Variants in ARHGEF3 observed in about 807,000 individuals in gnomAD.
ARHGEF3 encodes Rho guanine nucleotide exchange factor 3.
ARHGEF3 carries 28 observed loss-of-function variants against 63.2 expected under a neutral mutation model. The observed-to-expected ratio is 0.44, with a 90% confidence interval of 0.33 to 0.61. The LOEUF is 0.61. Among genes scored for constraint, ARHGEF3 ranks in the 20% least tolerant of loss-of-function variants. ARHGEF3 has a pLI of 0.03. For missense variants in ARHGEF3, 533 were observed against 659.3 expected, an observed-to-expected ratio of 0.81 and a Z score of 2.10; for synonymous variants, 266 against 254.2, an observed-to-expected ratio of 1.05 and a Z score of -0.44.
chr3:56,972,224 A>G (rs1384527693), intron 2 of ARHGEF3, among the ~76,000 whole-genome samples: 1 of 152,098 alleles, frequency 6.6e-6, no homozygotes, highest in Non-Finnish European at 1.5e-5. Flanking sequence ...CAAGTCCATC[A>G]AATTACTTTG....
intron 4 of ARHGEF3, among the ~76,000 whole-genome samples, chr3:56,863,144 T>TA (rs1259830644): frequency 7.3e-6 from 1 of 137,546 alleles, no homozygotes; most frequent in Non-Finnish European, 1.6e-5. Flanking sequence ...TACCTTTTTC[T>TA]TTTTTTTTTT....
chr3:57,078,810 GAA>G (rs1157068266), intron 1 of ARHGEF3: 1 of 157,006 alleles, frequency 6.4e-6, no homozygotes. Context: ...GGCTGGAGAA[GAA>G]AGTTGAGCGA....
chr3:56,820,550 T>G (rs1458014241), intron 4 of ARHGEF3, among the ~76,000 whole-genome samples: 1 of 152,128 alleles, frequency 6.6e-6, no homozygotes, highest in Non-Finnish European at 1.5e-5. Context: ...ATGCCTGTAG[T>G]CCCAGCTACT....
intron 3 of ARHGEF3, among the ~76,000 whole-genome samples, chr3:56,892,236 T>C (rs2108284705): frequency 6.6e-6 from 1 of 152,166 alleles, no homozygotes; most frequent in South Asian, 2.1e-4. Context: ...GCCAAATATA[T>C]TTTCCAGAAA....
At chr3:56,803,272 C>CA (rs148122637), upstream of ARHGEF3, among the ~76,000 whole-genome samples, 1,523 of 151,200 alleles carry the variant, frequency 0.01, 22 homozygotes, top group African/African-American at 0.035. Flanking sequence ...CCTGTGTCTA[C>CA]AAAAAAAATA....
chr3:57,014,104 A>G (rs1296831239), intron 2 of ARHGEF3, among the ~76,000 whole-genome samples: 1 of 152,046 alleles, frequency 6.6e-6, no homozygotes, highest in Admixed American at 6.6e-5. Context: ...AGGAACGAAC[A>G]ACTCCAGACG....
intron 4 of ARHGEF3, among the ~76,000 whole-genome samples, chr3:56,862,595 C>A (rs1028368016): frequency 2.6e-5 from 4 of 152,204 alleles, no homozygotes; most frequent in African/African-American, 9.6e-5. Context: ...AAGTCTCACA[C>A]AGGACGAGGC....
At chr3:56,836,977 T>G (rs1447710950) in intron 4 of ARHGEF3, among the ~76,000 whole-genome samples, 1 of 152,100 alleles carries the variant, frequency 6.6e-6, no homozygotes, top group East Asian at 1.9e-4. Flanking sequence ...TGTGAAAGAA[T>G]CAGTCTGCAT....
intron 3 of ARHGEF3, among the ~76,000 whole-genome samples, chr3:56,929,387 T>C (rs1162313505): frequency 1.3e-5 from 2 of 152,190 alleles, no homozygotes; most frequent in Non-Finnish European, 2.9e-5. Context: ...GAGCTTCACA[T>C]GAAATCTCTA....
chr3:56,866,827 A>G (rs2108209610), intron 4 of ARHGEF3, among the ~76,000 whole-genome samples: 1 of 152,374 alleles, frequency 6.6e-6, no homozygotes, highest in South Asian at 2.1e-4. Flanking sequence ...TGAGACTGCA[A>G]CAGTGGGATG....
At chr3:56,794,047 GAA>G (rs1283340774) in intron 1 of ARHGEF3, among the ~76,000 whole-genome samples, 1 of 152,196 alleles carries the variant, frequency 6.6e-6, no homozygotes, top group Admixed American at 6.5e-5. Flanking sequence ...GTCACATTTG[GAA>G]AAGTTAAGGG....
chr3:57,058,957 G>GT (rs1705065825), intron 1 of ARHGEF3, among the ~76,000 whole-genome samples: 1 of 141,034 alleles, frequency 7.1e-6, no homozygotes, highest in Non-Finnish European at 1.5e-5. Flanking sequence ...ACACATGGAC[G>GT]TAAGAAGGGG....
intron 2 of ARHGEF3, among the ~76,000 whole-genome samples, chr3:57,033,818 G>A (rs959747897): frequency 6.6e-6 from 1 of 152,144 alleles, no homozygotes; most frequent in Admixed American, 6.5e-5. Flanking sequence ...GCTGAGGTAG[G>A]TAGATCACCT....
chr3:56,753,999 G>A (rs781461493), intron 3 of ARHGEF3, among the ~76,000 whole-genome samples: 1 of 152,126 alleles, frequency 6.6e-6, no homozygotes, highest in African/African-American at 2.4e-5. Context: ...TCTTCTACTC[G>A]ACAGAAGGCG....
At chr3:57,016,808 G>C (rs887878383) in intron 2 of ARHGEF3, among the ~76,000 whole-genome samples, 1 of 152,014 alleles carries the variant, frequency 6.6e-6, no homozygotes, top group Non-Finnish European at 1.5e-5. Flanking sequence ...TCCCTGGTGT[G>C]GGGGAGGGGT....
chr3:56,736,304 T>A (rs903697004), intron 8 of ARHGEF3, among the ~76,000 whole-genome samples: 1 of 152,182 alleles, frequency 6.6e-6, no homozygotes, highest in African/African-American at 2.4e-5. Flanking sequence ...TGCAAATCAC[T>A]ATATTAAGTG....
intron 2 of ARHGEF3, among the ~76,000 whole-genome samples, chr3:56,960,007 C>T (rs898105457): frequency 2.0e-5 from 3 of 152,154 alleles, no homozygotes; most frequent in African/African-American, 4.8e-5. Context: ...AGGTTGGTTA[C>T]ACAATAGTCA....
chr3:56,945,654 C>T (rs1428782412), intron 3 of ARHGEF3, among the ~76,000 whole-genome samples: 2 of 152,218 alleles, frequency 1.3e-5, no homozygotes, highest in African/African-American at 4.8e-5. Context: ...GTGGAGCCCA[C>T]CACAGCTCAA....
At chr3:57,014,450 T>G (rs1394945228) in intron 2 of ARHGEF3, among the ~76,000 whole-genome samples, 2 of 152,146 alleles carry the variant, frequency 1.3e-5, no homozygotes, top group South Asian at 2.1e-4. Context: ...AAGCAGGAAA[T>G]CGAGCCAAAT....
Sources: gnomAD v4.1 joint callset for allele counts (sites outside exome capture counted in the v4.1 genomes callset) on GRCh38, gnomAD v4.1.1 for gene constraint, MANE v1.5 for transcripts, NCBI Gene and HGNC (gene_info 2026-07-23, HGNC 2026-07-21) for gene names.